Variants in SLC25A24 observed in about 807,000 individuals in gnomAD.
SLC25A24 encodes the protein mitochondrial adenyl nucleotide antiporter SLC25A24.
A neutral mutation model predicts 60.7 loss-of-function variants in SLC25A24; 49 were observed. That is an observed-to-expected ratio of 0.81 (90% CI 0.64 to 1.02). The LOEUF (loss-of-function observed/expected upper bound fraction) is 1.02, where lower values mean the gene tolerates loss of function less well. Among genes scored for constraint, SLC25A24 ranks in the 50% least tolerant of loss-of-function variants. The pLI is 0.00. For missense variants in SLC25A24, 564 were observed against 586.3 expected (o/e 0.96, Z 0.39); for synonymous variants, 202 against 200.6 (o/e 1.01, Z -0.06).
intron 9 of SLC25A24, 69 bp from the exon 10 acceptor site, chr1:108,136,906 T>C (rs1679305575): frequency 3.7e-6 from 5 of 1,366,066 alleles, no homozygotes; most frequent in Non-Finnish European, 4.1e-6. Flanking sequence ...CAAACAATTA[T>C]GACCCAGAAT....
intron 4 of SLC25A24, among the ~76,000 whole-genome samples, chr1:108,159,464 G>GTTTTT (rs60246776): frequency 7.6e-5 from 10 of 131,022 alleles, no homozygotes; most frequent in Non-Finnish European, 6.4e-5. Context: ...GTCTTGGGTT[G>GTTTTT]TTTTTTTTTT....
intron 1 of SLC25A24, among the ~76,000 whole-genome samples, chr1:108,190,344 G>A (rs1050512957): frequency 3.3e-5 from 5 of 152,122 alleles, no homozygotes; most frequent in Non-Finnish European, 7.4e-5. Context: ...AATTAGGGGG[G>A]CTGTCGGTTA....
intron 7 of SLC25A24, among the ~76,000 whole-genome samples, chr1:108,144,824 C>G (rs991025934): frequency 6.6e-6 from 1 of 152,180 alleles, no homozygotes; most frequent in African/African-American, 2.4e-5. Flanking sequence ...TTTATCTAGT[C>G]TATCACTGAT....
At chr1:108,176,875 G>A (rs1008829178) in intron 3 of SLC25A24, among the ~76,000 whole-genome samples, 16 of 152,198 alleles carry the variant, frequency 1.1e-4, no homozygotes, top group African/African-American at 3.6e-4. Context: ...CGTAAAAGGA[G>A]CTCCTCAAGC....
At chr1:108,164,215 T>C (rs1680176424) in intron 3 of SLC25A24, among the ~76,000 whole-genome samples, 1 of 152,134 alleles carries the variant, frequency 6.6e-6, no homozygotes, top group African/African-American at 2.4e-5. Flanking sequence ...TGAGGATTTT[T>C]GCATCAATGT....
intron 3 of SLC25A24, among the ~76,000 whole-genome samples, chr1:108,166,657 G>C (rs1391759010): frequency 6.6e-6 from 1 of 151,810 alleles, no homozygotes; most frequent in Non-Finnish European, 1.5e-5. Flanking sequence ...GCTCCTTTAA[G>C]CACTTCTCTG....
intron 8 of SLC25A24, among the ~76,000 whole-genome samples, chr1:108,140,457 G>T (rs922780237): frequency 1.4e-4 from 22 of 151,838 alleles, no homozygotes; most frequent in African/African-American, 5.3e-4. Flanking sequence ...GAAACTCTAT[G>T]GTAAAGGTCA....
chr1:108,179,323 C>T (rs1444291905), intron 3 of SLC25A24, among the ~76,000 whole-genome samples: 1 of 152,024 alleles, frequency 6.6e-6, no homozygotes, highest in African/African-American at 2.4e-5. Context: ...TTATGGAAAG[C>T]AGTATGGAGT....
At chr1:108,185,464 A>G (rs1268077524) in intron 2 of SLC25A24, among the ~76,000 whole-genome samples, 1 of 152,206 alleles carries the variant, frequency 6.6e-6, no homozygotes, top group East Asian at 1.9e-4. Context: ...TTCTATACAA[A>G]TAAAAAGAAA....
intron 8 of SLC25A24, among the ~76,000 whole-genome samples, chr1:108,140,804 C>A (rs1679423870): frequency 8.4e-6 from 1 of 118,984 alleles, no homozygotes; most frequent in Non-Finnish European, 1.7e-5. Flanking sequence ...AGAAGGGAAT[C>A]AGAACATATC....
chr1:108,186,091 A>G (rs1253791585), intron 1 of SLC25A24, 137 bp from the exon 2 acceptor site: 2 of 546,636 alleles, frequency 3.7e-6, no homozygotes, highest in African/African-American at 4.0e-5. Context: ...ATCATCATTC[A>G]TTATCGCAAA....
intron 3 of SLC25A24, among the ~76,000 whole-genome samples, chr1:108,177,664 A>G (rs1438819242): frequency 2.0e-5 from 3 of 152,218 alleles, no homozygotes; most frequent in African/African-American, 4.8e-5. Context: ...TAAAGGAGAA[A>G]CAAAGTTCCT....
Position 108,151,701 on chromosome 1 carries a change from A to C in SLC25A24, c.822+3282T>G, listed in dbSNP as rs75550808. On this transcript the variant is annotated intron_variant, in intron 6 of 9. Transcript: ENST00000565488. ...CCCATTCCAATGGCTCAACTCAGCA[A>C]CAACCTCTCTATCAAAGATCTCTCT... Among the ~76,000 whole-genome samples, 899 of 152,336 alleles carry C rather than the reference A, an allele frequency of 5.9e-3. 4 individuals are homozygous for C. The highest frequency in any genetic ancestry group is 0.021 in the African/African-American group (860 of 41,568).
At position 108,161,183 on chromosome 1, in the gene SLC25A24, G is replaced by A. The variant is rs768541076; in HGVS notation, c.509C>T (p.Thr170Ile). 3 of 1,458,956 alleles carry A rather than the reference G, an allele frequency of 2.1e-6. No individual in the cohort carries two copies. Among genetic ancestry groups the A allele is most frequent in the South Asian group, 1.2e-5 (1 of 86,846 alleles). The allele number at this position is 1,458,956 out of a possible 1,614,324, so 90.4% of individuals were successfully genotyped here. The change falls in exon 4 of 10, where the codon ACA (threonine) becomes ATA (isoleucine). Residue 170 changes from threonine to isoleucine, a missense_variant and splice_region_variant. By Grantham distance (89) the Thr-to-Ile change is moderately conservative. Transcript: ENST00000565488. ...EEIIRFWKHS[T>I]GIDIGDSLTI... ...TATAAATACATAAAGTAGACTTACT[G>A]TAGAATGTTTCCAGAAACGGATAAT...
intron 8 of SLC25A24, among the ~76,000 whole-genome samples, chr1:108,142,362 T>G (rs1464733775): frequency 6.6e-6 from 1 of 152,122 alleles, no homozygotes; most frequent in African/African-American, 2.4e-5. Flanking sequence ...AAAGTAGAAA[T>G]AATCCAAATG....
chr1:108,152,796 T>C (rs986599360), intron 6 of SLC25A24, among the ~76,000 whole-genome samples: 7 of 152,144 alleles, frequency 4.6e-5, no homozygotes, highest in African/African-American at 7.2e-5. Flanking sequence ...AAGCTCACAG[T>C]CTCACAAAGC....
intron 6 of SLC25A24, among the ~76,000 whole-genome samples, chr1:108,153,993 A>G (rs2101610269): frequency 6.6e-6 from 1 of 152,174 alleles, no homozygotes; most frequent in East Asian, 1.9e-4. Flanking sequence ...CATGATTTGA[A>G]TCTTCAAACC....
At chr1:108,157,136 G>A (rs188253664) in intron 5 of SLC25A24, among the ~76,000 whole-genome samples, 18 of 152,128 alleles carry the variant, frequency 1.2e-4, no homozygotes, top group Non-Finnish European at 5.9e-5. Flanking sequence ...CTTTACTTTT[G>A]ATAAAGTATA....
chr1:108,165,002 T>G (rs1171965564), intron 3 of SLC25A24, among the ~76,000 whole-genome samples: 2 of 145,340 alleles, frequency 1.4e-5, no homozygotes, highest in Non-Finnish European at 3.0e-5. Flanking sequence ...GTCTTTGTTC[T>G]CGTTGGTTTC....
Sources: allele counts gnomAD v4.1 joint callset (sites outside exome capture counted in the v4.1 genomes callset), GRCh38; gene constraint gnomAD v4.1.1; transcripts MANE v1.5; gene names NCBI Gene and HGNC (gene_info 2026-07-23, HGNC 2026-07-21).